RRAS2: variants seen among roughly 807,000 people sequenced by gnomAD.
RRAS2 encodes the protein ras-related protein R-Ras2.
A neutral mutation model predicts 27.6 loss-of-function variants in RRAS2; 7 were observed. The observed-to-expected ratio is 0.25, with a 90% CI of 0.14 to 0.48. The LOEUF (loss-of-function observed/expected upper bound fraction) is 0.48, where lower values mean the gene tolerates loss of function less well. Ranked by LOEUF, RRAS2 falls within the 20% of genes least tolerant of loss-of-function variation. RRAS2 has a pLI of 0.99. For synonymous variants in RRAS2, 86 were observed against 90.9 expected, an observed-to-expected ratio of 0.95 and a Z score of 0.31; for missense variants, 178 against 256.2, an observed-to-expected ratio of 0.69 and a Z score of 2.08.
Position 14,329,009 on chromosome 11 carries a change from G to GTATA in RRAS2, c.108+29753_108+29754insTATA, listed in dbSNP as rs1366284888. Among the ~76,000 whole-genome samples the GTATA allele has an allele frequency of 1.0e-3, 61 of 58,200 alleles. 1 individual carries two copies. In the South Asian group the frequency reaches 0.015, roughly 14 times the overall value. 38.2% of individuals were successfully genotyped at this position (58,200 alleles called of 152,430 possible). A position where few individuals can be genotyped will look rare whatever the true frequency, so the allele number is the denominator to read the frequency against. On this transcript the variant is annotated intron_variant, in intron 1 of 5. Transcript: ENST00000256196. ...TATGTGTGTGTGTGTGTGTGTGTGT[G>GTATA]TGTATATATATATATATATACACAC... is the stretch of plus-strand genomic sequence containing the variant.
intron 5 of RRAS2, among the ~76,000 whole-genome samples, chr11:14,281,099 G>A (rs1383054401): frequency 6.6e-6 from 1 of 152,128 alleles, no homozygotes; most frequent in Non-Finnish European, 1.5e-5. Flanking sequence ...GGGATGAGCT[G>A]GATAAAAAGA....
rs1379392788 is a variant in RRAS2 at position 14,358,495 on chromosome 11, C to G, written c.108+268G>C. On this transcript the variant is annotated intron_variant, in intron 1 of 5. Transcript: ENST00000256196. This position sits in a 1 kb window ranked among gnomAD's most constrained non-coding sequence, Gnocchi z 5.1. ...CCTCGGCCAGAGCAATAAGGTGGATCGGTGCTTCCCACCCTTCCAGCTCCG... is the reference window on the plus strand; with the variant it reads ...CCTCGGCCAGAGCAATAAGGTGGATGGGTGCTTCCCACCCTTCCAGCTCCG... The G allele has an allele frequency of 1.1e-4, 113 of 985,548 alleles. No individual in the cohort carries two copies. Among genetic ancestry groups the G allele is most frequent in the Non-Finnish European group, 1.3e-4 (106 of 830,186 alleles). The allele number at this position is 985,548 out of a possible 1,614,324, so 61.1% of individuals were successfully genotyped here. A position where few individuals can be genotyped will look rare whatever the true frequency, so the allele number is the denominator to read the frequency against.
intron 1 of RRAS2, among the ~76,000 whole-genome samples, chr11:14,297,772 A>T (rs982184345): frequency 1.1e-4 from 16 of 152,142 alleles, no homozygotes; most frequent in Middle Eastern, 3.4e-3. Flanking sequence ...TCTTAAAAAA[A>T]TTTTTTTTAA....
intron 1 of RRAS2, among the ~76,000 whole-genome samples, chr11:14,322,862 T>A (rs573109394): frequency 1.3e-5 from 2 of 152,248 alleles, no homozygotes; most frequent in Admixed American, 6.5e-5. Context: ...AAGACAAATG[T>A]GAATTTAAAA....
rs543295103 is a variant in RRAS2, at chr11:14,306,977, G to A, written c.109-11122C>T. ...AGGCCAAGGTGGGTGGATCACTTGA[G>A]GTCAGGAGTTCAAGACCAGCCTGGG... On this transcript the variant is annotated intron_variant, in intron 1 of 5. Transcript: ENST00000256196. Among the ~76,000 whole-genome samples the A allele has an allele frequency of 3.9e-4, 60 of 151,916 alleles. No individual in the cohort carries two copies. The South Asian group carries it at 7.5e-3, about 19-fold the overall frequency.
At chr11:14,297,565 T>C (rs1847583693) in intron 1 of RRAS2, among the ~76,000 whole-genome samples, 1 of 152,266 alleles carries the variant, frequency 6.6e-6, no homozygotes, top group Admixed American at 6.5e-5. Context: ...AGTTCCAGAC[T>C]AGCCTGGGCA....
intron 1 of RRAS2, among the ~76,000 whole-genome samples, chr11:14,339,694 A>G (rs1321058047): frequency 2.6e-5 from 4 of 152,230 alleles, no homozygotes; most frequent in Non-Finnish European, 4.4e-5. Flanking sequence ...GTTAAAAAAG[A>G]AAGTTATTAA....
intron 4 of RRAS2, among the ~76,000 whole-genome samples, chr11:14,293,162 T>TATATATATATATATATATATATA (rs57012166): frequency 1.1e-4 from 14 of 128,080 alleles, no homozygotes; most frequent in African/African-American, 4.3e-4. Flanking sequence ...TATATATATA[T>TATATATATATATATATATATATA]CATTTTCTCT....
intron 1 of RRAS2, among the ~76,000 whole-genome samples, chr11:14,302,197 C>T (rs1358575513): frequency 6.6e-6 from 1 of 152,004 alleles, no homozygotes; most frequent in East Asian, 1.9e-4. Flanking sequence ...ACACTACACA[C>T]AGATATCAGG....
chr11:14,348,210 C>T (rs1365240397), intron 1 of RRAS2, among the ~76,000 whole-genome samples: 2 of 152,148 alleles, frequency 1.3e-5, no homozygotes, highest in East Asian at 1.9e-4. Context: ...ACAAACTCTG[C>T]TCATTATTAT....
At chr11:14,294,729 C>T in intron 3 of RRAS2, 31 bp downstream of exon 3, 1 of 1,589,114 alleles carries the variant, frequency 6.3e-7, no homozygotes. Flanking sequence ...TTGACAAGAA[C>T]AGTGGATCTA....
chr11:14,347,197 A>G (rs1848853881), intron 1 of RRAS2, among the ~76,000 whole-genome samples: 1 of 152,140 alleles, frequency 6.6e-6, no homozygotes, highest in Non-Finnish European at 1.5e-5. Flanking sequence ...ATTAATTAAA[A>G]CTAGCTGTTC....
intron 1 of RRAS2, chr11:14,341,841 A>T (rs1848714090): frequency 2.2e-6 from 1 of 454,394 alleles, no homozygotes; most frequent in East Asian, 6.9e-5. Context: ...CATTTGTAAT[A>T]TGATTGAAGA....
intron 1 of RRAS2, 83 bp from the exon 2 acceptor site, chr11:14,295,938 C>T (rs1268175980): frequency 2.2e-5 from 28 of 1,291,130 alleles, no homozygotes; most frequent in Middle Eastern, 2.7e-4. Flanking sequence ...TCTGGGAGGC[C>T]GAGGGAGAAG....
At chr11:14,328,134 G>A (rs1488058502) in intron 1 of RRAS2, among the ~76,000 whole-genome samples, 2 of 152,066 alleles carry the variant, frequency 1.3e-5, no homozygotes, top group Non-Finnish European at 2.9e-5. Context: ...TTTGGAGGCC[G>A]AGGCAGGCGG....
chr11:14,326,371 T>C (rs1389695405), intron 1 of RRAS2, among the ~76,000 whole-genome samples: 1 of 152,224 alleles, frequency 6.6e-6, no homozygotes, highest in African/African-American at 2.4e-5. Context: ...CTGTTAACTA[T>C]TTTACATGAT....
Position 14,352,767 on chromosome 11 carries a change from AGAGAGAGAGAGAGG to A in RRAS2, c.108+5982_108+5995del, listed in dbSNP as rs559625658. 2.8e-3 allele frequency among the ~76,000 whole-genome samples: 419 copies of A among 150,884 alleles called. 6 individuals are homozygous for A. The highest frequency in any genetic ancestry group is 0.012 in the Admixed American group (187 of 15,090). ...AAAATATATATATATAGAGAGAGAG[AGAGAGAGAGAGAGG>A]GAGAGAGAGAGAGAGAGACATTTTT... On this transcript the variant is annotated intron_variant, in intron 1 of 5. Coordinates refer to ENST00000256196, the MANE Select transcript of RRAS2 (RefSeq NM_012250.6).
intron 4 of RRAS2, among the ~76,000 whole-genome samples, chr11:14,293,069 C>T (rs1847445966): frequency 6.8e-6 from 1 of 146,768 alleles, no homozygotes; most frequent in Admixed American, 6.9e-5. Flanking sequence ...GATCACGCCA[C>T]TGCACTCCAG....
intron 1 of RRAS2, among the ~76,000 whole-genome samples, chr11:14,311,052 T>A (rs1203180843): frequency 6.6e-6 from 1 of 152,196 alleles, no homozygotes; most frequent in Non-Finnish European, 1.5e-5. Flanking sequence ...AGAAACAAAT[T>A]TAAAAGCATT....
Sources: gnomAD v4.1 joint callset for allele counts (sites outside exome capture counted in the v4.1 genomes callset) on GRCh38, gnomAD v4.1.1 for gene constraint, Gnocchi (gnomAD v3.1) non-coding constraint, MANE v1.5 for transcripts, NCBI Gene and HGNC (gene_info 2026-07-23, HGNC 2026-07-21) for gene names.